SCRG1: variants seen among roughly 807,000 people sequenced by gnomAD.
SCRG1 encodes the protein stimulator of chondrogenesis 1.
In SCRG1, 3 loss-of-function variants were observed where a neutral mutation model predicts 7.7. The observed-to-expected ratio is 0.39, with a 90% CI of 0.18 to 1.01. The LOEUF is 1.01. Among genes scored for constraint, SCRG1 ranks in the 50% least tolerant of loss-of-function variants. The probability of loss-of-function intolerance (pLI) is 0.36; values close to 1 mark genes in which losing one functional copy is unlikely to be tolerated. For missense variants in SCRG1, 110 were observed against 117.2 expected, an observed-to-expected ratio of 0.94 and a Z score of 0.28; for synonymous variants, 46 against 41.2, an observed-to-expected ratio of 1.12 and a Z score of -0.44.
chr4:173,385,722 A>G lies in SCRG1; in HGVS notation c.*2619T>C, dbSNP rs144388188. On this transcript the variant is annotated 3_prime_UTR_variant, in exon 3 of 3. Transcript: ENST00000296506. ...TTTGTTAGATACAATTTTTCTTACC[A>G]GGCTTTGATTGCAGTAGTAAGGGAA... 2 of 152,174 alleles carry G rather than the reference A, an allele frequency of 1.3e-5. No individual in the cohort carries two copies. The highest frequency in any genetic ancestry group is 6.5e-5 in the Admixed American group (1 of 15,270). The allele number at this position is 152,174 out of a possible 1,614,324, so 9.4% of individuals were successfully genotyped here.
chr4:173,403,777 G>T (rs1410727980), upstream of SCRG1, among the ~76,000 whole-genome samples: 2 of 152,182 alleles, frequency 1.3e-5, no homozygotes. Flanking sequence ...ACTGGTCCAT[G>T]GAATCACAGC....
At chr4:173,478,551 T>C in the SCRG1 span, among the ~76,000 whole-genome samples, 1 of 152,174 alleles carries the variant, frequency 6.6e-6, no homozygotes, top group Admixed American at 6.6e-5. Context: ...TGTCTCAGTG[T>C]TAGCTTTTCC....
At chr4:173,482,386 A>C in the SCRG1 span, among the ~76,000 whole-genome samples, 2 of 152,076 alleles carry the variant, frequency 1.3e-5, no homozygotes, top group Admixed American at 1.3e-4. Flanking sequence ...GTGTAGAAGC[A>C]TTTTTCTGAG....
At chr4:173,460,732 G>A in the SCRG1 span, among the ~76,000 whole-genome samples, 21 of 152,166 alleles carry the variant, frequency 1.4e-4, no homozygotes, top group Admixed American at 1.4e-3. Context: ...TATCAACACT[G>A]CCACAGTGGG....
At chr4:173,448,059 G>A in the SCRG1 span, among the ~76,000 whole-genome samples, 3 of 152,174 alleles carry the variant, frequency 2.0e-5, no homozygotes, top group African/African-American at 2.4e-5. Context: ...AGCCAAGATC[G>A]TGCCACTGCA....
intron 1 of SCRG1, 97 bp from the exon 2 acceptor site, chr4:173,391,525 T>C (rs1008990593): frequency 8.0e-7 from 1 of 1,250,780 alleles, no homozygotes; most frequent in Non-Finnish European, 1.1e-6. Flanking sequence ...AACCCTTGGA[T>C]AGAAAGAATG....
At chr4:173,441,474 TCTAA>T in the SCRG1 span, among the ~76,000 whole-genome samples, 1 of 152,176 alleles carries the variant, frequency 6.6e-6, no homozygotes, top group Non-Finnish European at 1.5e-5. Context: ...CTGTCCTGAT[TCTAA>T]CTGTGAACAT....
At chr4:173,398,858 A>G (rs185389802) in intron 1 of SCRG1, among the ~76,000 whole-genome samples, 16 of 152,312 alleles carry the variant, frequency 1.1e-4, no homozygotes, top group African/African-American at 3.4e-4. Context: ...TAGTCAAGAA[A>G]TATACATTTT....
chr4:173,422,434 A>G, the SCRG1 span, among the ~76,000 whole-genome samples: 7 of 152,170 alleles, frequency 4.6e-5, no homozygotes, highest in Non-Finnish European at 8.8e-5. Flanking sequence ...GGATTTATAG[A>G]GTGACTTCTA....
At chr4:173,485,060 T>C in the SCRG1 span, among the ~76,000 whole-genome samples, 2 of 8,644 alleles carry the variant, frequency 2.3e-4, 1 homozygote, top group Non-Finnish European at 4.4e-4. Flanking sequence ...ATATATTATA[T>C]ATTATATATT....
At chr4:173,485,043 T>TATATAA in the SCRG1 span, among the ~76,000 whole-genome samples, 4 of 17,096 alleles carry the variant, frequency 2.3e-4, no homozygotes, top group Non-Finnish European at 3.5e-4. Context: ...ATATTATATA[T>TATATAA]TATATAATAT....
chr4:173,409,769 A>G (rs1488794548), upstream of SCRG1, among the ~76,000 whole-genome samples: 3 of 151,902 alleles, frequency 2.0e-5, no homozygotes, highest in Non-Finnish European at 4.4e-5. Context: ...TTGTATTTTT[A>G]GTAGAGACAG....
At chr4:173,491,647 G>T in the SCRG1 span, among the ~76,000 whole-genome samples, 2 of 152,196 alleles carry the variant, frequency 1.3e-5, no homozygotes, top group Non-Finnish European at 2.9e-5. Flanking sequence ...AGCAAGGTGG[G>T]CAGAGGAAAT....
At chr4:173,504,386 T>G in the SCRG1 span, among the ~76,000 whole-genome samples, 3 of 152,172 alleles carry the variant, frequency 2.0e-5, no homozygotes, top group African/African-American at 7.2e-5. The surrounding 1 kb of genome is among the most constrained non-coding windows in gnomAD (Gnocchi z 4.7). Context: ...CTACCCCAAC[T>G]CGTCACCACC....
intron 1 of SCRG1, among the ~76,000 whole-genome samples, chr4:173,398,094 G>GT (rs1288767912): frequency 1.3e-5 from 2 of 152,080 alleles, no homozygotes; most frequent in Non-Finnish European, 2.9e-5. Context: ...CTTAGAAGAC[G>GT]TTTTTGTTAG....
At chr4:173,414,807 C>T in the SCRG1 span, among the ~76,000 whole-genome samples, 1 of 152,226 alleles carries the variant, frequency 6.6e-6, no homozygotes, top group Non-Finnish European at 1.5e-5. Context: ...AAAGGTGCAA[C>T]ATCATCACTT....
At chr4:173,484,619 C>T in the SCRG1 span, among the ~76,000 whole-genome samples, 1 of 81,688 alleles carries the variant, frequency 1.2e-5, no homozygotes, top group Non-Finnish European at 2.0e-5. Context: ...ATATTATATG[C>T]ATGTAATATA....
the SCRG1 span, among the ~76,000 whole-genome samples, chr4:173,432,605 C>T: frequency 3.3e-5 from 5 of 152,214 alleles, no homozygotes; most frequent in African/African-American, 1.2e-4. Context: ...GCCCAGCTCC[C>T]CAGAGTTTAC....
the SCRG1 span, among the ~76,000 whole-genome samples, chr4:173,485,291 C>G: frequency 5.7e-5 from 3 of 52,514 alleles, no homozygotes; most frequent in Non-Finnish European, 2.0e-4. Context: ...CTCAAGAAGC[C>G]TTGCAAGTTT....
Sources: gnomAD v4.1 joint callset for allele counts (sites outside exome capture counted in the v4.1 genomes callset) on GRCh38, gnomAD v4.1.1 for gene constraint, Gnocchi (gnomAD v3.1) non-coding constraint, MANE v1.5 for transcripts, NCBI Gene and HGNC (gene_info 2026-07-23, HGNC 2026-07-21) for gene names.